The following PIK3AP1 variants were observed in gnomAD, a reference collection of about 807,000 sequenced individuals.
PIK3AP1 encodes phosphoinositide-3-kinase adaptor protein 1.
A neutral mutation model predicts 88.1 loss-of-function variants in PIK3AP1; 21 were observed. The ratio of observed to expected loss-of-function variants is 0.24; its 90% CI spans 0.17 to 0.34. The LOEUF (loss-of-function observed/expected upper bound fraction) is 0.34, where lower values mean the gene tolerates loss of function less well. Among genes scored for constraint, PIK3AP1 ranks in the 10% least tolerant of loss-of-function variants. The pLI, the probability that PIK3AP1 is intolerant of heterozygous loss-of-function variation, is 1.00. For synonymous variants in PIK3AP1, 398 were observed against 400.0 expected, an observed-to-expected ratio of 1.00 and a Z score of 0.06; for missense variants, 828 against 1,035.7, an observed-to-expected ratio of 0.80 and a Z score of 2.75.
chr10:96,601,322 A>C (rs150798985), intron 16 of PIK3AP1, among the ~76,000 whole-genome samples: 2,575 of 151,966 alleles, frequency 0.017, 63 homozygotes, highest in African/African-American at 0.059. Context: ...AAAAACACAA[A>C]AATTAGCCAG....
chr10:96,652,998 T>C (rs1044708589), intron 3 of PIK3AP1, among the ~76,000 whole-genome samples, 156 bp from the exon 4 acceptor site: 1 of 151,970 alleles, frequency 6.6e-6, no homozygotes, highest in African/African-American at 2.4e-5. Flanking sequence ...CAGTGAACTG[T>C]TTGCTACCAG....
chr10:96,631,256 A>G (rs1171663118), intron 8 of PIK3AP1, among the ~76,000 whole-genome samples: 1 of 152,080 alleles, frequency 6.6e-6, no homozygotes, highest in Non-Finnish European at 1.5e-5. Flanking sequence ...ATCACTAATC[A>G]CCAAATGTCC....
At chr10:96,662,806 G>A (rs6584096) in intron 2 of PIK3AP1, among the ~76,000 whole-genome samples, 1 of 144,754 alleles carries the variant, frequency 6.9e-6, no homozygotes, top group Admixed American at 6.9e-5. Context: ...GGCGTGAACC[G>A]GGGAAGCGGA....
At chr10:96,710,973 G>A (rs1384908014) in intron 1 of PIK3AP1, among the ~76,000 whole-genome samples, 1 of 152,182 alleles carries the variant, frequency 6.6e-6, no homozygotes, top group Non-Finnish European at 1.5e-5. Flanking sequence ...CATGGTAGTT[G>A]TGAATTAATG....
At chr10:96,604,297 C>A (rs1422476155) in intron 14 of PIK3AP1, among the ~76,000 whole-genome samples, 1 of 151,304 alleles carries the variant, frequency 6.6e-6, no homozygotes, top group Non-Finnish European at 1.5e-5. Context: ...CCTGCCTTAG[C>A]CCCCTAAGTA....
intron 2 of PIK3AP1, among the ~76,000 whole-genome samples, chr10:96,666,438 A>G (rs1589526046): frequency 6.6e-6 from 1 of 152,198 alleles, no homozygotes; most frequent in Non-Finnish European, 1.5e-5. Flanking sequence ...AACAAAAAAA[A>G]GAGTTAAATA....
At chr10:96,652,886 C>T (rs1229897285) in intron 3 of PIK3AP1, 44 bp from the exon 4 acceptor site, 3 of 1,597,482 alleles carry the variant, frequency 1.9e-6, no homozygotes, top group Non-Finnish European at 2.6e-6. Context: ...CTCTCAGATC[C>T]CCGTAGGGTG....
chr10:96,622,983 C>T (rs12766972), intron 11 of PIK3AP1, among the ~76,000 whole-genome samples: 3 of 152,138 alleles, frequency 2.0e-5, no homozygotes, highest in Non-Finnish European at 4.4e-5. Flanking sequence ...AGACTGAGTG[C>T]TGGGCCACCT....
chr10:96,650,344 G>C (rs1843519909), intron 6 of PIK3AP1, among the ~76,000 whole-genome samples: 1 of 152,160 alleles, frequency 6.6e-6, no homozygotes, highest in African/African-American at 2.4e-5. Flanking sequence ...ATGGCATGAA[G>C]GAACGGTGGT....
intron 2 of PIK3AP1, among the ~76,000 whole-genome samples, chr10:96,692,368 GAT>G (rs764711452): frequency 3.9e-5 from 6 of 152,204 alleles, no homozygotes; most frequent in Non-Finnish European, 8.8e-5. Flanking sequence ...AAGGTCAGGA[GAT>G]AGGGACCATC....
intron 16 of PIK3AP1, among the ~76,000 whole-genome samples, chr10:96,598,982 G>A (rs1242584882): frequency 6.6e-6 from 1 of 152,224 alleles, no homozygotes; most frequent in African/African-American, 2.4e-5. Context: ...TTTTATGCCA[G>A]GCAATGGCAT....
chr10:96,595,380 C>T lies in PIK3AP1; in HGVS notation c.*197G>A. The T allele has an allele frequency of 1.7e-6, 1 of 594,036 alleles. No homozygotes were observed. Among genetic ancestry groups the T allele is most frequent in the Non-Finnish European group, 3.0e-6 (1 of 331,574 alleles). 36.8% of individuals were successfully genotyped at this position (594,036 alleles called of 1,614,324 possible). ...TATACTTGGTGATGGTGAATGAAGCCCTTAGTTTTTCACTTCTTCGTGCCT... is the reference window on the plus strand; with the variant it reads ...TATACTTGGTGATGGTGAATGAAGCTCTTAGTTTTTCACTTCTTCGTGCCT... On this transcript the variant is annotated 3_prime_UTR_variant, in exon 17 of 17. Transcript: ENST00000339364.
intron 3 of PIK3AP1, among the ~76,000 whole-genome samples, chr10:96,653,231 C>T (rs1159930080): frequency 6.6e-6 from 1 of 151,306 alleles, no homozygotes; most frequent in Non-Finnish European, 1.5e-5. Context: ...ATGGTGAAAC[C>T]CCGCCTCTAC....
chr10:96,662,661 A>ACC (rs1392036696), intron 2 of PIK3AP1, among the ~76,000 whole-genome samples: 1 of 150,224 alleles, frequency 6.7e-6, no homozygotes, highest in Non-Finnish European at 1.5e-5. Context: ...CGGGTGGATC[A>ACC]TGAGGTCAGG....
At position 96,672,605 on chromosome 10, in the gene PIK3AP1, C is replaced by T. The variant is rs569818961; in HGVS notation, c.431-15671G>A. 1.2e-4 allele frequency among the ~76,000 whole-genome samples: 18 copies of T among 152,110 alleles called. No individual in the cohort carries two copies. In the East Asian group the frequency reaches 3.3e-3, roughly 28 times the overall value. Reference sequence around the variant, plus strand: ...GCAAAGGCCTATAGCTTTTCCCTTCCCCTCCCCAACCCACCCTACCTGCTC... The same window carrying T: ...GCAAAGGCCTATAGCTTTTCCCTTCTCCTCCCCAACCCACCCTACCTGCTC... On this transcript the variant is annotated intron_variant, in intron 2 of 16. Coordinates refer to ENST00000339364, the MANE Select transcript of PIK3AP1 (RefSeq NM_152309.3).
chr10:96,683,886 G>A (rs1844034229), intron 2 of PIK3AP1, among the ~76,000 whole-genome samples: 1 of 152,220 alleles, frequency 6.6e-6, no homozygotes, highest in Admixed American at 6.5e-5. Context: ...ATTCAAGACT[G>A]TATATATAGG....
intron 8 of PIK3AP1, among the ~76,000 whole-genome samples, chr10:96,629,771 G>A (rs1843213836): frequency 1.3e-5 from 2 of 148,178 alleles, no homozygotes; most frequent in East Asian, 3.9e-4. Flanking sequence ...GCACCTGACT[G>A]TGGTCCCAGC....
chr10:96,646,923 C>A (rs968175239), intron 7 of PIK3AP1, among the ~76,000 whole-genome samples: 3 of 152,274 alleles, frequency 2.0e-5, no homozygotes, highest in Admixed American at 2.0e-4. Context: ...CCACCACTAC[C>A]CTAAGATAGC....
In PIK3AP1 at chr10:96,650,646, A is replaced by T. The variant is rs116810387; in HGVS notation, c.988+602T>A. Reference sequence around the variant, plus strand: ...GTGCCAAAGCAGGTGAATGGAACCTACTGGAGGTTTGGAGAAGGTCTTCTA... The same window carrying T: ...GTGCCAAAGCAGGTGAATGGAACCTTCTGGAGGTTTGGAGAAGGTCTTCTA... On this transcript the variant is annotated intron_variant, in intron 6 of 16. Transcript: ENST00000339364. 5.9e-3 allele frequency among the ~76,000 whole-genome samples: 900 copies of T among 152,326 alleles called. 13 individuals are homozygous for T. The highest frequency in any genetic ancestry group is 0.02 in the Middle Eastern group (6 of 294).
Sources: allele counts gnomAD v4.1 joint callset (sites outside exome capture counted in the v4.1 genomes callset), GRCh38; gene constraint gnomAD v4.1.1; transcripts MANE v1.5; gene names NCBI Gene and HGNC (gene_info 2026-07-23, HGNC 2026-07-21).